Variants in CNKSR3 observed in about 807,000 individuals in gnomAD.
CNKSR3 encodes CNKSR family member 3.
In CNKSR3, 36 loss-of-function variants were observed where a neutral mutation model predicts 67.7. That is an observed-to-expected ratio of 0.53 (90% CI 0.41 to 0.70). The LOEUF is 0.70. CNKSR3 is among the 30% of genes least tolerant of loss of function. The pLI is 0.00. For missense variants in CNKSR3, 630 were observed against 695.2 expected, an observed-to-expected ratio of 0.91 and a Z score of 1.05; for synonymous variants, 281 against 271.4, an observed-to-expected ratio of 1.04 and a Z score of -0.35.
At chr6:154,414,167 C>T (rs570621664) in intron 10 of CNKSR3, 132 bp downstream of exon 10, 69 of 892,498 alleles carry the variant, frequency 7.7e-5, no homozygotes, top group African/African-American at 2.7e-4. Flanking sequence ...ATACTTTTAA[C>T]GGCAGTTCAA....
intron 1 of CNKSR3, among the ~76,000 whole-genome samples, chr6:154,476,440 A>C (rs1219107272): frequency 1.4e-5 from 2 of 147,988 alleles, no homozygotes; most frequent in Non-Finnish European, 3.0e-5. Context: ...CTGGGCAACA[A>C]GAGCGAAACT....
At chr6:154,501,457 A>C (rs991424459) in intron 1 of CNKSR3, among the ~76,000 whole-genome samples, 29 of 152,118 alleles carry the variant, frequency 1.9e-4, no homozygotes, top group African/African-American at 6.7e-4. Context: ...TGTCTCTCTC[A>C]CCTGCTCTTC....
intron 1 of CNKSR3, among the ~76,000 whole-genome samples, chr6:154,491,476 T>C (rs188827760): frequency 6.6e-6 from 1 of 152,356 alleles, no homozygotes; most frequent in Admixed American, 6.5e-5. Flanking sequence ...ATGACATACA[T>C]ATGATTTCAT....
chr6:154,450,471 A>C (rs1785804902), intron 1 of CNKSR3, among the ~76,000 whole-genome samples: 1 of 152,252 alleles, frequency 6.6e-6, no homozygotes, highest in Non-Finnish European at 1.5e-5. Flanking sequence ...GTGATCCAAC[A>C]GAATTTTATG....
intron 1 of CNKSR3, among the ~76,000 whole-genome samples, chr6:154,481,685 CTG>C (rs1786570829): frequency 6.6e-6 from 1 of 152,172 alleles, no homozygotes; most frequent in African/African-American, 2.4e-5. Context: ...TAAAGGAGAC[CTG>C]ATGACCAGGT....
Position 154,416,370 on chromosome 6 carries a change from G to A in CNKSR3, c.946-1947C>T, listed in dbSNP as rs991979788. 7.9e-5 allele frequency among the ~76,000 whole-genome samples: 12 copies of A among 152,274 alleles called. No individual in the cohort carries two copies. The East Asian group carries it at 1.3e-3, about 17-fold the overall frequency. ...GAGTAGAACCCCCATATTTTAAACCGTGGCCATTAATGCATAATCTATCAA... is the reference window on the plus strand; with the variant it reads ...GAGTAGAACCCCCATATTTTAAACCATGGCCATTAATGCATAATCTATCAA... On this transcript the variant is annotated intron_variant, in intron 9 of 12. Transcript: ENST00000607772.
intron 9 of CNKSR3, among the ~76,000 whole-genome samples, chr6:154,420,735 A>G (rs1279737086): frequency 6.6e-6 from 1 of 151,664 alleles, no homozygotes; most frequent in Non-Finnish European, 1.5e-5. Flanking sequence ...CATGCTAGAA[A>G]ATTGCTAAGT....
chr6:154,490,262 A>T (rs1332336859), intron 1 of CNKSR3, among the ~76,000 whole-genome samples: 1 of 152,188 alleles, frequency 6.6e-6, no homozygotes, highest in African/African-American at 2.4e-5. Context: ...CAGTAGGGTG[A>T]CTGGGCCACT....
At chr6:154,481,117 CTTA>C (rs1475354320) in intron 1 of CNKSR3, among the ~76,000 whole-genome samples, 2 of 147,326 alleles carry the variant, frequency 1.4e-5, no homozygotes, top group African/African-American at 5.0e-5. Context: ...TATGTATTTG[CTTA>C]TTTATTTGTG....
intron 12 of CNKSR3, among the ~76,000 whole-genome samples, chr6:154,407,415 G>T (rs903806105): frequency 3.9e-5 from 6 of 152,176 alleles, no homozygotes; most frequent in Non-Finnish European, 5.9e-5. Context: ...TTGGTAACAT[G>T]TAGCATCCTT....
intron 10 of CNKSR3, among the ~76,000 whole-genome samples, chr6:154,413,510 G>A (rs919793902): frequency 5.3e-5 from 8 of 151,906 alleles, no homozygotes; most frequent in African/African-American, 1.5e-4. Flanking sequence ...AAATATTGGC[G>A]TGAGACACCA....
chr6:154,504,802 G>A (rs9478555), intron 1 of CNKSR3, among the ~76,000 whole-genome samples: 25,540 of 151,532 alleles, frequency 0.17, 2,535 homozygotes, highest in Admixed American at 0.23. Context: ...TTGAGCTCAG[G>A]ACAAGATCAG....
intron 1 of CNKSR3, among the ~76,000 whole-genome samples, chr6:154,478,755 C>T (rs529790017): frequency 1.3e-5 from 2 of 152,246 alleles, no homozygotes; most frequent in South Asian, 4.1e-4. Flanking sequence ...TTTAAAAGTC[C>T]TTTTGGGTTC....
At chr6:154,484,575 GC>G (rs1234223784) in intron 1 of CNKSR3, among the ~76,000 whole-genome samples, 1 of 151,796 alleles carries the variant, frequency 6.6e-6, no homozygotes, top group African/African-American at 2.4e-5. Context: ...GGTGGTGCAT[GC>G]CTGTAATCCC....
chr6:154,483,436 C>G (rs868827376), intron 1 of CNKSR3, among the ~76,000 whole-genome samples: 2 of 152,132 alleles, frequency 1.3e-5, no homozygotes, highest in Admixed American at 1.3e-4. Context: ...CTGCCCAGCA[C>G]TACCAATGGG....
chr6:154,451,388 A>G (rs1251963292), intron 1 of CNKSR3, among the ~76,000 whole-genome samples: 1 of 152,246 alleles, frequency 6.6e-6, no homozygotes, highest in Non-Finnish European at 1.5e-5. Flanking sequence ...AGTTATATAA[A>G]CTCAATCCTA....
At chr6:154,433,562 G>C (rs969983926) in intron 4 of CNKSR3, 55 bp from the exon 5 acceptor site, 7 of 1,346,904 alleles carry the variant, frequency 5.2e-6, no homozygotes, top group Non-Finnish European at 7.3e-6. Flanking sequence ...AAAACGTTCA[G>C]AACTGTTGGC....
chr6:154,457,742 C>A (rs191208814), intron 1 of CNKSR3, among the ~76,000 whole-genome samples: 2 of 152,166 alleles, frequency 1.3e-5, no homozygotes, highest in African/African-American at 4.8e-5. Flanking sequence ...GGTGGCCATG[C>A]TCACTCCCTT....
At chr6:154,464,254 T>G (rs1030525265) in intron 1 of CNKSR3, among the ~76,000 whole-genome samples, 20 of 152,098 alleles carry the variant, frequency 1.3e-4, no homozygotes, top group African/African-American at 4.3e-4. Flanking sequence ...CTGTGATCAC[T>G]GCACATTGTC....
Sources: gnomAD v4.1 joint callset for allele counts (sites outside exome capture counted in the v4.1 genomes callset) on GRCh38, gnomAD v4.1.1 for gene constraint, MANE v1.5 for transcripts, NCBI Gene and HGNC (gene_info 2026-07-23, HGNC 2026-07-21) for gene names.